The following VWA5B2 variants were observed in gnomAD, a reference collection of about 807,000 sequenced individuals.
VWA5B2 encodes the protein von Willebrand factor A domain-containing protein 5B2.
Under a neutral mutation model 118.5 loss-of-function variants are expected in VWA5B2, and 93 were observed. The observed-to-expected ratio is 0.79, with a 90% CI of 0.66 to 0.93. The LOEUF (loss-of-function observed/expected upper bound fraction) is 0.93. Among genes scored for constraint, VWA5B2 ranks in the 40% least tolerant of loss-of-function variants. VWA5B2 has a pLI of 0.00. For synonymous variants in VWA5B2, 708 were observed against 716.3 expected (o/e 0.99, Z 0.19); for missense variants, 1,546 against 1,672.8 (o/e 0.92, Z 1.32).
At chr3:184,234,462 T>A in intron 6 of VWA5B2, 65 bp downstream of exon 6, 1 of 1,544,416 alleles carries the variant, frequency 6.5e-7, no homozygotes, top group Admixed American at 2.0e-5. Flanking sequence ...GGGAAGCATT[T>A]CTTAAGTGCA....
chr3:184,238,917 T>C lies in VWA5B2; in HGVS notation c.2202+44T>C, dbSNP rs1468854490. 4.9e-6 allele frequency: 7 copies of C among 1,438,484 alleles called. No homozygotes were observed. The highest frequency in any genetic ancestry group is 1.4e-5 in the African/African-American group (1 of 69,690). The allele number at this position is 1,438,484 out of a possible 1,614,324, so 89.1% of individuals were successfully genotyped here. The stretch of plus-strand genomic sequence containing the variant: ...TCATTCGCCTTGTATCCAGCAAATA[T>C]TTATTTACCACCTGCTGTGCACCAG... On this transcript the variant is annotated intron_variant, in intron 14 of 19. Coordinates refer to ENST00000691901, the MANE Select transcript of VWA5B2 (RefSeq NM_001390846.1). This position sits in a 1 kb window ranked among gnomAD's most constrained non-coding sequence, Gnocchi z 5.0.
intron 1 of VWA5B2, 69 bp from the exon 2 acceptor site, chr3:184,230,311 G>A (rs1717247701): frequency 4.0e-6 from 2 of 495,080 alleles, no homozygotes; most frequent in Non-Finnish European, 6.7e-6. Context: ...CCCAGGTAAC[G>A]CGTGAGGATG....
At chr3:184,240,059 C>T (rs1296527052) in intron 16 of VWA5B2, 23 bp downstream of exon 16, 2 of 1,498,524 alleles carry the variant, frequency 1.3e-6, no homozygotes, top group Admixed American at 2.2e-5. Context: ...TGGGTCCAGT[C>T]AGGACCCAAA....
chr3:184,232,735 G>A (rs1181868364), intron 3 of VWA5B2: 1 of 167,176 alleles, frequency 6.0e-6, no homozygotes, highest in Non-Finnish European at 1.3e-5. Context: ...AGCCACCTTA[G>A]TGGGCAATGG....
chr3:184,230,940 C>G (rs1181112707), intron 3 of VWA5B2, 23 bp downstream of exon 3: 1 of 1,210,864 alleles, frequency 8.3e-7, no homozygotes, highest in Non-Finnish European at 1.0e-6. Flanking sequence ...CGCCCGCACC[C>G]GCGCTCCTGA....
rs558073342 is a variant in VWA5B2, at chr3:184,238,015, T to G, written c.1720-288T>G. On this transcript the variant is annotated intron_variant, in intron 12 of 19. Transcript: ENST00000691901. The surrounding 1 kb of genome is among the most constrained non-coding windows in gnomAD (Gnocchi z 5.0). ...TTATTTTTTAATGAAAAGCTTTATC[T>G]CTTTAGAAGAACTCTGCACGCTTCC... 6.6e-6 allele frequency among the ~76,000 whole-genome samples: 1 copy of G among 152,120 alleles called. No individual in the cohort carries two copies. Among genetic ancestry groups the G allele is most frequent in the African/African-American group, 2.4e-5 (1 of 41,398 alleles).
rs1717653621 is a variant in VWA5B2 at position 184,233,688 on chromosome 3, A to G, written c.643A>G (p.Thr215Ala). ...CCCTGCCCGCTGCCCTGCCCCATATACCTTCTCCTTCGAGATGCTGGTGAC... is the reference window on the plus strand; with the variant it reads ...CCCTGCCCGCTGCCCTGCCCCATATGCCTTCTCCTTCGAGATGCTGGTGAC... ...SGPARCPAPY[T>A]FSFEMLVTGP... The change falls in exon 5 of 20, where the codon ACC becomes GCC. Residue 215 changes from threonine to alanine, a missense_variant. Transcript: ENST00000691901. This position sits in a 1 kb window ranked among gnomAD's most constrained non-coding sequence, Gnocchi z 5.2. 8 of 1,551,058 alleles carry G rather than the reference A, an allele frequency of 5.2e-6. No homozygotes were observed. The highest frequency in any genetic ancestry group is 5.2e-6 in the Non-Finnish European group (6 of 1,146,966).
Position 184,241,472 on chromosome 3 carries a change from C to T in VWA5B2, c.3181-18C>T, listed in dbSNP as rs767688514. 1.3e-6 allele frequency: 2 copies of T among 1,551,612 alleles called. No individual in the cohort carries two copies. Among genetic ancestry groups the T allele is most frequent in the Admixed American group, 1.9e-5 (1 of 52,676 alleles). Reference sequence around the variant, plus strand: ...CGCTGTTTCAGCTCGCTTCTCCCCCCACCTCCTCTCTCCTCAGGTGCGGCT... The same window carrying T: ...CGCTGTTTCAGCTCGCTTCTCCCCCTACCTCCTCTCTCCTCAGGTGCGGCT... On this transcript the variant is annotated intron_variant, in intron 19 of 19. Transcript: ENST00000691901. The surrounding 1 kb of genome is among the most constrained non-coding windows in gnomAD (Gnocchi z 5.1).
At position 184,241,950 on chromosome 3, in the gene VWA5B2, C is replaced by A. The variant is rs867309822; in HGVS notation, c.3641C>A (p.Ala1214Asp). ...PDGLDLAALK[A>D]AARGLFLLLR... ...GGCCTTGACCTGGCCGCCCTCAAGG[C>A]CGCAGCCCGAGGGCTCTTCCTGCTA... is the stretch of plus-strand genomic sequence containing the variant. The change falls in exon 20 of 20, where the codon GCC (alanine) becomes GAC (aspartate). Residue 1214 changes from alanine (A) to aspartate (D), a missense_variant. By Grantham distance (126) the Ala-to-Asp change is moderately radical (BLOSUM62 -2). This residue lies in a region of VWA5B2 where 763 missense variants were observed against 766.6 expected (regional missense o/e 1.00). Coordinates refer to ENST00000691901, the MANE Select transcript of VWA5B2 (RefSeq NM_001390846.1). The surrounding 1 kb of genome is among the most constrained non-coding windows in gnomAD (Gnocchi z 5.1). 7.1e-6 allele frequency: 11 copies of A among 1,549,488 alleles called. No homozygotes were observed. In the Middle Eastern group the frequency reaches 8.3e-4, roughly 117 times the overall value.
rs2108438310 is a variant in VWA5B2, at chr3:184,242,143, C to T, written c.*105C>T. 1 of 1,361,310 alleles carries T rather than the reference C, an allele frequency of 7.3e-7. No homozygotes were observed. Among genetic ancestry groups the T allele is most frequent in the Non-Finnish European group, 9.9e-7 (1 of 1,006,138 alleles). The allele number at this position is 1,361,310 out of a possible 1,614,324, so 84.3% of individuals were successfully genotyped here. ...TGGGAAAGTGTAGGCTGGTGCCAGC[C>T]TGTCCCCCACTGCTTCTTACTCCCT... On this transcript the variant is annotated 3_prime_UTR_variant, in exon 20 of 20. Coordinates refer to ENST00000691901, the MANE Select transcript of VWA5B2 (RefSeq NM_001390846.1).
chr3:184,230,699 G>A lies in VWA5B2; in HGVS notation c.139+32G>A. 4.9e-6 allele frequency: 6 copies of A among 1,227,106 alleles called. No homozygotes were observed. In the East Asian group the frequency reaches 1.3e-4, roughly 27 times the overall value. 76.0% of individuals were successfully genotyped at this position (1,227,106 alleles called of 1,614,324 possible). ...CCCGGGTGGGGCGCGGGCGCGGCGGGGGGTGCGCCGGGCAGGGTCCGACGC... is the reference window on the plus strand; with the variant it reads ...CCCGGGTGGGGCGCGGGCGCGGCGGAGGGTGCGCCGGGCAGGGTCCGACGC... On this transcript the variant is annotated intron_variant, in intron 2 of 19. Coordinates refer to ENST00000691901, the MANE Select transcript of VWA5B2 (RefSeq NM_001390846.1).
chr3:184,231,443 A>G (rs1027437810), intron 3 of VWA5B2, among the ~76,000 whole-genome samples: 3 of 152,078 alleles, frequency 2.0e-5, no homozygotes, highest in African/African-American at 7.2e-5. Flanking sequence ...CTGTCTTTCC[A>G]TCTTCTATTG....
intron 16 of VWA5B2, 35 bp from the exon 17 acceptor site, chr3:184,240,756 G>T: frequency 6.5e-7 from 1 of 1,547,150 alleles, no homozygotes; most frequent in South Asian, 1.2e-5. Flanking sequence ...AGGGTGGGTG[G>T]TGGGGGCTCC....
rs968888173 is a variant in VWA5B2 at position 184,237,315 on chromosome 3, G to A, written c.1623G>A (p.Leu541=). Residue 541 remains leucine (L), a synonymous_variant, in exon 12 of 20, where the codon CTG becomes CTA. Transcript: ENST00000691901. The surrounding 1 kb of genome is among the most constrained non-coding windows in gnomAD (Gnocchi z 5.6). ...WFVPDTVEAL[L]TPREIPALYP... is the part of the protein sequence containing the mutation. ...TGCCCGACACTGTGGAGGCACTGCT[G>A]ACCCCCCGGGAGATCCCAGCACTCT... 1 of 1,551,402 alleles carries A rather than the reference G, an allele frequency of 6.4e-7. No individual in the cohort carries two copies. Among genetic ancestry groups the A allele is most frequent in the Non-Finnish European group, 8.7e-7 (1 of 1,147,020 alleles).
chr3:184,230,497 G>A lies in VWA5B2; in HGVS notation c.-32G>A. The A allele has an allele frequency of 7.0e-7, 1 of 1,427,374 alleles. No homozygotes were observed. Among genetic ancestry groups the A allele is most frequent in the South Asian group, 1.4e-5 (1 of 69,514 alleles). 88.4% of individuals were successfully genotyped at this position (1,427,374 alleles called of 1,614,324 possible). On this transcript the variant is annotated 5_prime_UTR_variant, in exon 2 of 20. Transcript: ENST00000691901. The stretch of plus-strand genomic sequence containing the variant: ...CGTCACCCTGCGCCCAGCTTCCCCG[G>A]CCCGTTCCCGCAGGGCCGGCCTCCC...
chr3:184,235,256 CAGCTACTCGGG>C lies in VWA5B2; in HGVS notation c.1058_1068del (p.Arg353LeufsTer5), dbSNP rs1717848651. 1 of 1,551,622 alleles carries C rather than the reference CAGCTACTCGGG, an allele frequency of 6.4e-7. No homozygotes were observed. On this transcript the variant is annotated frameshift_variant, in exon 8 of 20. Transcript: ENST00000691901. LOFTEE classifies it high-confidence loss of function. The stretch of plus-strand genomic sequence containing the variant: ...AGCTCCAAGCCCGGACACCTGGGGA[CAGCTACTCGGG>C]AGCTACTCTTCCTTTTGGATAGCAG...
In VWA5B2 at chr3:184,233,837, A is replaced by G; in HGVS notation, c.688+104A>G. ...CAGGGATAGGAGGGACACAGGACAA[A>G]AAGACAGGGACCCCAGCCTCCGGAA... On this transcript the variant is annotated intron_variant, in intron 5 of 19. Coordinates refer to ENST00000691901, the MANE Select transcript of VWA5B2 (RefSeq NM_001390846.1). The surrounding 1 kb of genome is among the most constrained non-coding windows in gnomAD (Gnocchi z 5.2). 1 of 1,436,598 alleles carries G rather than the reference A, an allele frequency of 7.0e-7. No homozygotes were observed. Among genetic ancestry groups the G allele is most frequent in the Admixed American group, 2.3e-5 (1 of 42,748 alleles). The allele number at this position is 1,436,598 out of a possible 1,614,324, so 89.0% of individuals were successfully genotyped here.
intron 6 of VWA5B2, 37 bp from the exon 7 acceptor site, chr3:184,234,594 G>A: frequency 1.9e-6 from 3 of 1,547,308 alleles, no homozygotes; most frequent in Non-Finnish European, 8.7e-7. Context: ...TCCAGAGGCA[G>A]GGCCTTCCTT....
In VWA5B2 at chr3:184,241,714, G is replaced by T; in HGVS notation, c.3405G>T (p.Glu1135Asp). The T allele has an allele frequency of 1.3e-6, 2 of 1,507,300 alleles. No individual in the cohort carries two copies. The highest frequency in any genetic ancestry group is 8.9e-7 in the Non-Finnish European group (1 of 1,129,904). 93.4% of individuals were successfully genotyped at this position (1,507,300 alleles called of 1,614,324 possible). A position where few individuals can be genotyped will look rare whatever the true frequency, so the allele number is the denominator to read the frequency against. ...GCCCGTCCCCCAGCTCGGGCTCTGA[G>T]GGGCCAGGCCAGGTGGACAGTGGGC... ...SCSPSPSSGS[E>D]GPGQVDSGRG... The change falls in exon 20 of 20, where the codon GAG (glutamate) becomes GAT (aspartate). Residue 1135 changes from glutamate (E) to aspartate (D), a missense_variant. By Grantham distance (45) the Glu-to-Asp change is conservative. Coordinates refer to ENST00000691901, the MANE Select transcript of VWA5B2 (RefSeq NM_001390846.1). The surrounding 1 kb of genome is among the most constrained non-coding windows in gnomAD (Gnocchi z 5.1).
Sources: gnomAD v4.1 joint callset for allele counts (sites outside exome capture counted in the v4.1 genomes callset) on GRCh38, gnomAD v4.1.1 for gene constraint, gnomAD v4.1.1 regional missense constraint, Gnocchi (gnomAD v3.1) non-coding constraint, MANE v1.5 for transcripts, NCBI Gene and HGNC (gene_info 2026-07-23, HGNC 2026-07-21) for gene names.